LRRC3B: variants seen among roughly 807,000 people sequenced by gnomAD.
The protein encoded by LRRC3B is leucine-rich repeat-containing protein 3B.
In LRRC3B, 2 loss-of-function variants were observed where a neutral mutation model predicts 12.8. The observed-to-expected ratio is 0.16, with a 90% confidence interval of 0.06 to 0.49. The LOEUF (loss-of-function observed/expected upper bound fraction) is 0.49. LRRC3B is among the 20% of genes least tolerant of loss of function. The pLI, the probability that LRRC3B is intolerant of heterozygous loss-of-function variation, is 0.96. For missense variants in LRRC3B, 189 were observed against 319.4 expected, an observed-to-expected ratio of 0.59 and a Z score of 3.11; for synonymous variants, 132 against 122.0, an observed-to-expected ratio of 1.08 and a Z score of -0.54.
intron 1 of LRRC3B, among the ~76,000 whole-genome samples, chr3:26,685,790 C>T (rs1265814471): frequency 6.6e-6 from 1 of 151,866 alleles, no homozygotes; most frequent in Non-Finnish European, 1.5e-5. Context: ...TGCTTTCCTC[C>T]TTTCAGACTT....
intron 1 of LRRC3B, among the ~76,000 whole-genome samples, chr3:26,654,974 T>G (rs1477638551): frequency 6.6e-6 from 1 of 152,168 alleles, no homozygotes; most frequent in African/African-American, 2.4e-5. Flanking sequence ...TCTAATATAT[T>G]TTTAAATTAC....
chr3:26,639,683 G>A (rs901181731), intron 1 of LRRC3B, among the ~76,000 whole-genome samples: 2 of 152,160 alleles, frequency 1.3e-5, no homozygotes, highest in Non-Finnish European at 2.9e-5. Context: ...AACAATTGGA[G>A]AGGAATTCAG....
chr3:26,642,377 C>G (rs1403981249), intron 1 of LRRC3B, among the ~76,000 whole-genome samples: 2 of 152,136 alleles, frequency 1.3e-5, no homozygotes, highest in Non-Finnish European at 2.9e-5. Flanking sequence ...ACCAGCAGAC[C>G]TTGTAATAGC....
intron 1 of LRRC3B, among the ~76,000 whole-genome samples, chr3:26,690,556 G>A (rs1347550364): frequency 1.3e-5 from 2 of 152,126 alleles, no homozygotes; most frequent in Admixed American, 1.3e-4. Context: ...CTAGGTAGCT[G>A]TTAATTTTTC....
intron 1 of LRRC3B, among the ~76,000 whole-genome samples, chr3:26,660,162 G>C (rs868057388): frequency 3.9e-5 from 6 of 152,290 alleles, no homozygotes; most frequent in South Asian, 2.1e-4. Context: ...ATACAGAATT[G>C]TGATTAGGAA....
At chr3:26,667,074 C>G (rs1008934568) in intron 1 of LRRC3B, among the ~76,000 whole-genome samples, 2 of 119,066 alleles carry the variant, frequency 1.7e-5, no homozygotes, top group African/African-American at 8.8e-5. Context: ...AAATGTCCCT[C>G]TGTGATTTTT....
intron 1 of LRRC3B, among the ~76,000 whole-genome samples, chr3:26,684,162 A>G (rs965027545): frequency 4.6e-5 from 7 of 152,306 alleles, no homozygotes; most frequent in African/African-American, 1.4e-4. Context: ...AAAGTTGGGA[A>G]AGTTCCAGCC....
intron 1 of LRRC3B, among the ~76,000 whole-genome samples, chr3:26,679,381 C>T (rs184841257): frequency 3.3e-5 from 5 of 152,300 alleles, no homozygotes; most frequent in African/African-American, 4.8e-5. Flanking sequence ...CTCACCAAGC[C>T]GGTCTCTACC....
chr3:26,695,032 A>T (rs986076803), intron 1 of LRRC3B, among the ~76,000 whole-genome samples: 1 of 150,332 alleles, frequency 6.7e-6, no homozygotes. Flanking sequence ...ACAACTTTTA[A>T]AGCTTTTGCG....
intron 1 of LRRC3B, among the ~76,000 whole-genome samples, chr3:26,683,370 C>A (rs1364272842): frequency 6.6e-6 from 1 of 152,198 alleles, no homozygotes; most frequent in African/African-American, 2.4e-5. Context: ...CAAATATTGG[C>A]AAAGCCAGAT....
At chr3:26,709,854 A>G (rs749994595) in exon 2 of LRRC3B, 1 of 1,614,100 alleles carries the variant, frequency 6.2e-7, no homozygotes, top group Non-Finnish European at 8.5e-7. Flanking sequence ...ATACCTAGAG[A>G]TCTTCCTCCT....
At chr3:26,672,435 G>T (rs1306192590) in intron 1 of LRRC3B, among the ~76,000 whole-genome samples, 1 of 152,120 alleles carries the variant, frequency 6.6e-6, no homozygotes, top group Admixed American at 6.5e-5. Context: ...CATGTTAATT[G>T]TAAATAATCC....
At chr3:26,630,287 G>A (rs1698728022) in intron 1 of LRRC3B, among the ~76,000 whole-genome samples, 2 of 152,184 alleles carry the variant, frequency 1.3e-5, no homozygotes, top group African/African-American at 4.8e-5. Context: ...TCAATCTCCA[G>A]GCCAAGGTCT....
intron 1 of LRRC3B, among the ~76,000 whole-genome samples, chr3:26,623,483 C>T (rs908673669): frequency 3.9e-5 from 6 of 152,168 alleles, no homozygotes; most frequent in African/African-American, 1.4e-4. Flanking sequence ...ACTTTTGTGA[C>T]CCCTTCCCTG....
intron 1 of LRRC3B, among the ~76,000 whole-genome samples, chr3:26,690,316 T>A (rs1700165043): frequency 1.3e-5 from 2 of 152,210 alleles, no homozygotes; most frequent in Admixed American, 6.5e-5. Context: ...TCTCCTCTGC[T>A]TGACTTTCTT....
intron 1 of LRRC3B, among the ~76,000 whole-genome samples, chr3:26,636,575 G>A (rs1304740515): frequency 1.3e-5 from 2 of 152,002 alleles, no homozygotes; most frequent in Non-Finnish European, 2.9e-5. Flanking sequence ...AGTATGTATT[G>A]ACAATATTAA....
intron 1 of LRRC3B, among the ~76,000 whole-genome samples, chr3:26,658,113 GTT>G (rs1699413809): frequency 6.6e-6 from 1 of 152,194 alleles, no homozygotes; most frequent in South Asian, 2.1e-4. Flanking sequence ...GTCTCGCTCT[GTT>G]GCCCAGGCTG....
At chr3:26,658,974 A>G (rs1447081445) in intron 1 of LRRC3B, among the ~76,000 whole-genome samples, 1 of 152,198 alleles carries the variant, frequency 6.6e-6, no homozygotes, top group Non-Finnish European at 1.5e-5. Flanking sequence ...ATCAGGTGCT[A>G]ACTTCCTAAT....
At chr3:26,659,454 A>G (rs1277185486) in intron 1 of LRRC3B, among the ~76,000 whole-genome samples, 1 of 152,234 alleles carries the variant, frequency 6.6e-6, no homozygotes, top group Admixed American at 6.5e-5. Context: ...GGATTTTTGG[A>G]AAGTTTAAAT....
Sources: gnomAD v4.1 joint callset for allele counts (sites outside exome capture counted in the v4.1 genomes callset) on GRCh38, gnomAD v4.1.1 for gene constraint, MANE v1.5 for transcripts, NCBI Gene and HGNC (gene_info 2026-07-23, HGNC 2026-07-21) for gene names.